The following RIC8B variants were observed in gnomAD, a reference collection of about 807,000 sequenced individuals.
RIC8B encodes the protein chaperone Ric-8B.
RIC8B carries 16 observed loss-of-function variants against 57.5 expected under a neutral mutation model. The observed-to-expected ratio is 0.28, with a 90% CI of 0.19 to 0.42. The LOEUF (loss-of-function observed/expected upper bound fraction) is 0.42. Among genes scored for constraint, RIC8B ranks in the 10% least tolerant of loss-of-function variants. The probability of loss-of-function intolerance (pLI) is 1.00; values close to 1 mark genes in which losing one functional copy is unlikely to be tolerated. For synonymous variants in RIC8B, 216 were observed against 250.8 expected, an observed-to-expected ratio of 0.86 and a Z score of 1.31; for missense variants, 481 against 677.0, an observed-to-expected ratio of 0.71 and a Z score of 3.21.
rs760386497 is a variant in RIC8B, at chr12:106,867,432, A to G, written c.1452-3391A>G. On this transcript the variant is annotated intron_variant, in intron 8 of 9. Coordinates refer to ENST00000392837, the MANE Select transcript of RIC8B (RefSeq NM_001330145.2). This position sits in a 1 kb window ranked among gnomAD's most constrained non-coding sequence, Gnocchi z 4.3. ...ATGATAAATATAATTACCCAATAAA[A>G]TGTCCACCACAATTAGTGTTCTTAA... Among the ~76,000 whole-genome samples, 5 of 152,198 alleles carry G rather than the reference A, an allele frequency of 3.3e-5. No individual in the cohort carries two copies. The highest frequency in any genetic ancestry group is 1.9e-4 in the East Asian group (1 of 5,202).
chr12:106,777,290 G>C (rs535749769), intron 1 of RIC8B, among the ~76,000 whole-genome samples: 1 of 152,214 alleles, frequency 6.6e-6, no homozygotes, highest in Non-Finnish European at 1.5e-5. Context: ...GATTTTGAGA[G>C]CAGATGAATA....
At chr12:106,858,725 A>G (rs1311777012) in intron 7 of RIC8B, among the ~76,000 whole-genome samples, 1 of 152,098 alleles carries the variant, frequency 6.6e-6, no homozygotes, top group African/African-American at 2.4e-5. Context: ...ACATCATTTA[A>G]TATACTCATT....
intron 8 of RIC8B, among the ~76,000 whole-genome samples, chr12:106,865,044 G>A (rs764468093): frequency 6.6e-6 from 1 of 152,088 alleles, no homozygotes; most frequent in Non-Finnish European, 1.5e-5. Context: ...ACACCTTTTG[G>A]TTGTTGTGAA....
rs182234947 is a variant in RIC8B, at chr12:106,801,713, C to T, written c.133-12983C>T. Reference sequence around the variant, plus strand: ...TTATAAAGAATTCCAAATTTGACCTCTAGAATCCTCCCAGAACCTTTATTA... The same window carrying T: ...TTATAAAGAATTCCAAATTTGACCTTTAGAATCCTCCCAGAACCTTTATTA... On this transcript the variant is annotated intron_variant, in intron 2 of 9. Coordinates refer to ENST00000392837, the MANE Select transcript of RIC8B (RefSeq NM_001330145.2). Among the ~76,000 whole-genome samples, 102 of 152,314 alleles carry T rather than the reference C, an allele frequency of 6.7e-4. 1 individual carries two copies. The highest frequency in any genetic ancestry group is 1.2e-3 in the Non-Finnish European group (83 of 68,030).
At chr12:106,819,933 T>G (rs1407997650) in intron 3 of RIC8B, among the ~76,000 whole-genome samples, 1 of 152,088 alleles carries the variant, frequency 6.6e-6, no homozygotes, top group Non-Finnish European at 1.5e-5. Flanking sequence ...ATTCTAATGA[T>G]TTTTCTTACA....
At chr12:106,801,088 T>G (rs1392914214) in intron 2 of RIC8B, among the ~76,000 whole-genome samples, 1 of 152,214 alleles carries the variant, frequency 6.6e-6, no homozygotes, top group African/African-American at 2.4e-5. Context: ...AAAATACATT[T>G]CACATGGGCA....
Position 106,774,715 on chromosome 12 carries a change from G to C in RIC8B, c.-31G>C. 6.5e-7 allele frequency: 1 copy of C among 1,532,524 alleles called. No homozygotes were observed. The highest frequency in any genetic ancestry group is 8.8e-7 in the Non-Finnish European group (1 of 1,135,744). 94.9% of individuals were successfully genotyped at this position (1,532,524 alleles called of 1,614,324 possible). ...CTGGAGGCAGCGGCTTGGGCGCGCAGAGCGGCCGCGGCTCCCCCGCACCTG... is the reference window on the plus strand; with the variant it reads ...CTGGAGGCAGCGGCTTGGGCGCGCACAGCGGCCGCGGCTCCCCCGCACCTG... On this transcript the variant is annotated 5_prime_UTR_variant, in exon 1 of 10. Transcript: ENST00000392837.
chr12:106,806,381 C>A (rs2045023231), intron 2 of RIC8B, among the ~76,000 whole-genome samples: 1 of 152,196 alleles, frequency 6.6e-6, no homozygotes, highest in Non-Finnish European at 1.5e-5. Context: ...TGTTCCAGAA[C>A]ACCACACTCC....
intron 6 of RIC8B, 123 bp from the exon 7 acceptor site, chr12:106,851,327 T>TC: frequency 2.5e-6 from 1 of 392,388 alleles, no homozygotes; most frequent in East Asian, 5.7e-5. Context: ...TTTTTTTTTT[T>TC]TTTTTTTTTG....
chr12:106,804,069 CAT>C (rs1219624631), intron 2 of RIC8B, among the ~76,000 whole-genome samples: 2 of 152,154 alleles, frequency 1.3e-5, no homozygotes, highest in African/African-American at 2.4e-5. Context: ...CTTATTAAAA[CAT>C]ATGATAATAC....
In RIC8B at chr12:106,814,663, A is replaced by G. The variant is rs756354243; in HGVS notation, c.133-33A>G. On this transcript the variant is annotated intron_variant, in intron 2 of 9. Coordinates refer to ENST00000392837, the MANE Select transcript of RIC8B (RefSeq NM_001330145.2). ...CTGTGTTAAGTCATTTGAGCCAAAT[A>G]ATGATTTTTGCATACTCGTTCTTGT... is the stretch of plus-strand genomic sequence containing the variant. 41 of 1,547,038 alleles carry G rather than the reference A, an allele frequency of 2.7e-5. No homozygotes were observed. In the East Asian group the frequency reaches 7.7e-4, roughly 29 times the overall value.
chr12:106,801,181 A>G (rs956632119), intron 2 of RIC8B, among the ~76,000 whole-genome samples: 1 of 152,222 alleles, frequency 6.6e-6, no homozygotes, highest in Non-Finnish European at 1.5e-5. Context: ...AGAGAAATAG[A>G]AAGTTTTGAC....
chr12:106,813,183 A>G (rs891631136), intron 2 of RIC8B, among the ~76,000 whole-genome samples: 2 of 138,366 alleles, frequency 1.4e-5, no homozygotes, highest in African/African-American at 2.7e-5. Context: ...TGCAAATACT[A>G]TGCCTTTTTT....
intron 1 of RIC8B, 108 bp downstream of exon 1, chr12:106,774,937 C>T (rs890922608): frequency 2.4e-6 from 2 of 839,924 alleles, no homozygotes; most frequent in African/African-American, 3.5e-5. Context: ...GCGCATTGCT[C>T]TCCCCCGAAA....
chr12:106,878,863 T>A, intron 9 of RIC8B: 1 of 365,280 alleles, frequency 2.7e-6, no homozygotes, highest in Non-Finnish European at 3.8e-6. Context: ...TAGAACAAAA[T>A]ATGTTACATA....
chr12:106,885,290 A>G (rs1951123265), intron 9 of RIC8B, among the ~76,000 whole-genome samples: 1 of 152,120 alleles, frequency 6.6e-6, no homozygotes, highest in Non-Finnish European at 1.5e-5. Flanking sequence ...CCACAAACAA[A>G]AGCAATGGTG....
At chr12:106,803,047 T>C (rs66716938) in intron 2 of RIC8B, among the ~76,000 whole-genome samples, 58,226 of 150,854 alleles carry the variant, frequency 0.39, 11,432 homozygotes, top group African/African-American at 0.46. Flanking sequence ...GACCCTGTCT[T>C]TAAAAGTAAA....
At chr12:106,811,678 G>A (rs78694549) in intron 2 of RIC8B, among the ~76,000 whole-genome samples, 3,557 of 152,280 alleles carry the variant, frequency 0.023, 55 homozygotes, top group Non-Finnish European at 0.037. Context: ...AACACCTGAA[G>A]AAGAAACTGT....
intron 2 of RIC8B, 23 bp from the exon 3 acceptor site, chr12:106,814,673 G>A (rs754199320): frequency 1.3e-6 from 2 of 1,555,110 alleles, no homozygotes; most frequent in Non-Finnish European, 8.7e-7. Context: ...AATGATTTTT[G>A]CATACTCGTT....
Sources: allele counts gnomAD v4.1 joint callset (sites outside exome capture counted in the v4.1 genomes callset), GRCh38; gene constraint gnomAD v4.1.1; non-coding constraint Gnocchi (gnomAD v3.1); transcripts MANE v1.5; gene names NCBI Gene and HGNC (gene_info 2026-07-23, HGNC 2026-07-21).